Variants in MYO7B observed in about 807,000 individuals in gnomAD.
The protein encoded by MYO7B is unconventional myosin-VIIb.
In MYO7B, 212 loss-of-function variants were observed where a neutral mutation model predicts 259.7. The observed-to-expected ratio is 0.82, with a 90% CI of 0.73 to 0.91. The LOEUF (loss-of-function observed/expected upper bound fraction) is 0.91. Among genes scored for constraint, MYO7B ranks in the 40% least tolerant of loss-of-function variants. The pLI is 0.00. For synonymous variants in MYO7B, 1,197 were observed against 1,166.4 expected (o/e 1.03, Z -0.54); for missense variants, 2,732 against 2,813.5 (o/e 0.97, Z 0.66).
chr2:127,634,718 G>A (rs1474795993), intron 42 of MYO7B, 35 bp downstream of exon 42: 3 of 1,578,836 alleles, frequency 1.9e-6, no homozygotes, highest in South Asian at 1.1e-5. Flanking sequence ...GGGAGGGCGT[G>A]GCTGGGTGGG....
At chr2:127,569,987 G>A in intron 6 of MYO7B, 77 bp downstream of exon 6, 1 of 1,491,958 alleles carries the variant, frequency 6.7e-7, no homozygotes, top group Non-Finnish European at 9.0e-7. Flanking sequence ...CATGGGGAGG[G>A]ACAGGATAGG....
chr2:127,587,316 C>T (rs185918400), intron 14 of MYO7B, among the ~76,000 whole-genome samples: 7 of 152,228 alleles, frequency 4.6e-5, no homozygotes, highest in Non-Finnish European at 7.4e-5. Flanking sequence ...TCTTCTCACC[C>T]GCTGGAGCCA....
chr2:127,617,442 CT>C (rs1680611016), intron 26 of MYO7B, among the ~76,000 whole-genome samples: 1 of 147,016 alleles, frequency 6.8e-6, no homozygotes, highest in African/African-American at 2.6e-5. Context: ...TGACCAGTAC[CT>C]TTTTAAAGCA....
intron 1 of MYO7B, among the ~76,000 whole-genome samples, chr2:127,552,319 T>C (rs564072021): frequency 3.3e-5 from 5 of 152,218 alleles, no homozygotes; most frequent in East Asian, 3.9e-4. Context: ...TCCAGGCTAG[T>C]TGGGGATGGA....
intron 1 of MYO7B, among the ~76,000 whole-genome samples, chr2:127,555,194 G>A (rs1693594484): frequency 6.6e-6 from 1 of 152,204 alleles, no homozygotes; most frequent in Non-Finnish European, 1.5e-5. Context: ...TGACCCACTC[G>A]CCTTGGCCTC....
intron 5 of MYO7B, among the ~76,000 whole-genome samples, chr2:127,567,731 A>G (rs1325501978): frequency 6.6e-6 from 1 of 152,140 alleles, no homozygotes; most frequent in Non-Finnish European, 1.5e-5. Context: ...GAGTGCCCCC[A>G]ACTGTCCTAA....
chr2:127,585,991 A>T lies in MYO7B; in HGVS notation c.1690+1078A>T, dbSNP rs76647968. ...ACAAGTACCTAATAGGTGATTTTAA[A>T]TTTTTTTCTCATTCTGTGGATTGTC... On this transcript the variant is annotated intron_variant, in intron 14 of 47. Transcript: ENST00000409816. This position sits in a 1 kb window ranked among gnomAD's most constrained non-coding sequence, Gnocchi z 4.3. 4.1e-3 allele frequency among the ~76,000 whole-genome samples: 617 copies of T among 152,192 alleles called. 13 individuals carry two copies. Among genetic ancestry groups the T allele is most frequent in the East Asian group, 0.034 (175 of 5,186 alleles).
intron 5 of MYO7B, among the ~76,000 whole-genome samples, chr2:127,568,137 C>T (rs1040795864): frequency 6.6e-6 from 1 of 152,304 alleles, no homozygotes; most frequent in Non-Finnish European, 1.5e-5. Context: ...GAAATTCAAA[C>T]CCAGGGCTCT....
At chr2:127,582,065 T>C (rs1175631792) in intron 11 of MYO7B, 55 bp downstream of exon 11, 2 of 1,609,592 alleles carry the variant, frequency 1.2e-6, no homozygotes, top group South Asian at 1.1e-5. Context: ...ACGGCTCTGC[T>C]TCTTGCTGTG....
chr2:127,554,286 C>T (rs1452767495), intron 1 of MYO7B, among the ~76,000 whole-genome samples: 2 of 152,098 alleles, frequency 1.3e-5, no homozygotes, highest in Non-Finnish European at 2.9e-5. Context: ...GTTGGTCAGG[C>T]TGGTCTCAAG....
chr2:127,580,223 C>G (rs536833691), intron 9 of MYO7B, among the ~76,000 whole-genome samples: 1 of 152,156 alleles, frequency 6.6e-6, no homozygotes, highest in Non-Finnish European at 1.5e-5. Context: ...CAGCCTGGCA[C>G]GTCCTAAGCT....
chr2:127,541,790 T>C (rs1033046152), intron 1 of MYO7B, among the ~76,000 whole-genome samples: 3 of 152,228 alleles, frequency 2.0e-5, no homozygotes, highest in African/African-American at 7.2e-5. Context: ...GAGATTCTCC[T>C]AGAAGAGGTT....
At position 127,630,901 on chromosome 2, in the gene MYO7B, T is replaced by A. The variant is rs1387073426; in HGVS notation, c.4930T>A (p.Phe1644Ile). 2 of 1,578,472 alleles carry A rather than the reference T, an allele frequency of 1.3e-6. No individual in the cohort carries two copies. Among genetic ancestry groups the A allele is most frequent in the African/African-American group, 1.4e-5 (1 of 74,066 alleles). The change falls in exon 36 of 48, where the codon TTC becomes ATC. Residue 1644 changes from phenylalanine (F) to isoleucine (I), a missense_variant. Phe to Ile is a conservative substitution (Grantham distance 21). Transcript: ENST00000409816. The stretch of plus-strand genomic sequence containing the variant: ...CACCCTGGAGGAGTTCTCCTATGAG[T>A]TCTTCAGGTGCCCCCCAGCCCCGCT... Reference protein sequence around the residue: ...LHTLEEFSYEFFRAPEKDMVS... With the variant: ...LHTLEEFSYEIFRAPEKDMVS...
At chr2:127,634,569 A>ACTTCCCTGTACCTTCCC (rs1558856031) in intron 41 of MYO7B, 27 bp from the exon 42 acceptor site, 1 of 1,592,636 alleles carries the variant, frequency 6.3e-7, no homozygotes, top group Non-Finnish European at 8.6e-7. Context: ...AAGCCACCCA[A>ACTTCCCTGTACCTTCCC]CTTCCCTGTA....
In MYO7B at chr2:127,559,709, A is replaced by G. The variant is rs1428315983; in HGVS notation, c.-14A>G. ...TTCTCTCTCCATACAGGCTTGTGGA[A>G]CTGCTGACTCAGGATGTCGGGGTTC... On this transcript the variant is annotated 5_prime_UTR_variant, in exon 2 of 48. Transcript: ENST00000409816. The surrounding 1 kb of genome is among the most constrained non-coding windows in gnomAD (Gnocchi z 4.1). 3.7e-6 allele frequency: 6 copies of G among 1,613,856 alleles called. No homozygotes were observed. Among genetic ancestry groups the G allele is most frequent in the Middle Eastern group, 3.3e-4 (2 of 6,084 alleles).
intron 26 of MYO7B, among the ~76,000 whole-genome samples, chr2:127,618,859 C>T (rs1489091093): frequency 6.6e-6 from 1 of 152,182 alleles, no homozygotes; most frequent in Non-Finnish European, 1.5e-5. Flanking sequence ...GCTGGGAGGC[C>T]AGGCAGGGCT....
chr2:127,565,477 GC>G, intron 4 of MYO7B, 92 bp downstream of exon 4: 5 of 1,493,520 alleles, frequency 3.3e-6, no homozygotes, highest in Non-Finnish European at 3.6e-6. Flanking sequence ...AGGGGGCACT[GC>G]CCCCCATGCC....
Position 127,628,367 on chromosome 2 carries a change from T to A in MYO7B, c.4461-5T>A, listed in dbSNP as rs547125032. ...GCTCCTGGTCACGCTGTCCTTCATC[T>A]CCAGGGAGGCCCAGGGCGGGCAGAG... is the stretch of plus-strand genomic sequence containing the variant. On this transcript the variant is annotated splice_polypyrimidine_tract_variant and splice_region_variant and intron_variant, in intron 33 of 47. Transcript: ENST00000409816. The surrounding 1 kb of genome is among the most constrained non-coding windows in gnomAD (Gnocchi z 4.8). 1 of 1,597,470 alleles carries A rather than the reference T, an allele frequency of 6.3e-7. No homozygotes were observed. The highest frequency in any genetic ancestry group is 1.3e-5 in the African/African-American group (1 of 74,908).
At chr2:127,634,785 T>C in intron 42 of MYO7B, 102 bp downstream of exon 42, 1 of 1,122,356 alleles carries the variant, frequency 8.9e-7, no homozygotes. Context: ...ATCCATTCGT[T>C]CCCGTGTGTC....
Sources: allele counts gnomAD v4.1 joint callset (sites outside exome capture counted in the v4.1 genomes callset), GRCh38; gene constraint gnomAD v4.1.1; non-coding constraint Gnocchi (gnomAD v3.1); transcripts MANE v1.5; gene names NCBI Gene and HGNC (gene_info 2026-07-23, HGNC 2026-07-21).